Variants in PRH1 observed in about 807,000 individuals in gnomAD.
PRH1 encodes salivary acidic proline-rich phosphoprotein 1/2.
PRH1 carries 7 observed loss-of-function variants against 7.9 expected under a neutral mutation model. The observed-to-expected ratio is 0.89, with a 90% CI of 0.50 to 1.67. The LOEUF (loss-of-function observed/expected upper bound fraction) is 1.67. Among genes scored for constraint, PRH1 ranks in the 40% most tolerant of loss-of-function variants. The pLI, the probability that PRH1 is intolerant of heterozygous loss-of-function variation, is 0.00. For synonymous variants in PRH1, 45 were observed against 80.8 expected (o/e 0.56, Z 2.38); for missense variants, 109 against 223.6 (o/e 0.49, Z 3.27).
intron 1 of PRH1, among the ~76,000 whole-genome samples, chr12:11,093,751 A>G (rs1490285947): frequency 8.7e-6 from 1 of 114,960 alleles, no homozygotes; most frequent in Non-Finnish European, 2.0e-5. Flanking sequence ...ATAAACAAAA[A>G]ATTACTACAG....
At position 10,931,300 on chromosome 12, in the gene PRH1, C is replaced by T. The variant is rs925620409; in HGVS notation, c.-59+42355G>A. 4.1e-6 allele frequency: 4 copies of T among 986,966 alleles called. No individual in the cohort carries two copies. The African/African-American group carries it at 6.6e-5, about 16-fold the overall frequency. 61.1% of individuals were successfully genotyped at this position (986,966 alleles called of 1,614,324 possible). On this transcript the variant is annotated intron_variant, in intron 2 of 3. Coordinates refer to the PRH1 transcript ENST00000539853. Reference sequence around the variant, plus strand: ...TTTGAGAATCACTATCTTCAAATTACCTCTCTTAAATAGGGTTGGGAATGA... The same window carrying T: ...TTTGAGAATCACTATCTTCAAATTATCTCTCTTAAATAGGGTTGGGAATGA...
intron 1 of PRH1, among the ~76,000 whole-genome samples, chr12:11,011,798 T>C (rs1941080886): frequency 6.6e-6 from 1 of 152,136 alleles, no homozygotes; most frequent in Non-Finnish European, 1.5e-5. Flanking sequence ...ACTAATACTT[T>C]TGTATAACTT....
At chr12:10,957,831 T>C (rs140903120) in intron 2 of PRH1, among the ~76,000 whole-genome samples, 73 of 152,124 alleles carry the variant, frequency 4.8e-4, no homozygotes, top group Non-Finnish European at 9.6e-4. Context: ...AACTAATCAT[T>C]AAAGAAATGT....
chr12:11,007,880 C>A (rs1940899237), intron 1 of PRH1, among the ~76,000 whole-genome samples: 1 of 152,056 alleles, frequency 6.6e-6, no homozygotes, highest in South Asian at 2.1e-4. Flanking sequence ...GTGATCCACC[C>A]AAACCCAGCT....
intron 1 of PRH1, among the ~76,000 whole-genome samples, chr12:11,025,209 G>A (rs906732856): frequency 1.3e-5 from 2 of 151,722 alleles, no homozygotes; most frequent in African/African-American, 4.8e-5. Context: ...TAGTAGAGAC[G>A]GGGTTTCACC....
At chr12:10,909,532 C>T (rs1949864532) in intron 2 of PRH1, 4 of 455,742 alleles carry the variant, frequency 8.8e-6, no homozygotes, top group Non-Finnish European at 1.2e-5. Context: ...TGAGCCCTAG[C>T]TAAGATATTT....
At position 11,092,687 on chromosome 12, in the gene PRH1, T is replaced by A. The variant is rs1247828212; in HGVS notation, n.124-45499A>T. Among the ~76,000 whole-genome samples the A allele has an allele frequency of 6.9e-5, 8 of 115,422 alleles. 2 individuals carry two copies. Among genetic ancestry groups the A allele is most frequent in the African/African-American group, 2.3e-4 (8 of 34,356 alleles). 75.7% of individuals were successfully genotyped at this position (115,422 alleles called of 152,430 possible). A position where few individuals can be genotyped will look rare whatever the true frequency, so the allele number is the denominator to read the frequency against. ...GTGCGCTGATTGGTGCATTTTACAA[T>A]CCCCTTGCTAGCTTCAGAAACGTTC... is the stretch of plus-strand genomic sequence containing the variant. On this transcript the variant is annotated intron_variant and non_coding_transcript_variant, in intron 1 of 4. Coordinates refer to the PRH1 transcript ENST00000541977.
chr12:10,974,780 G>A (rs1419649317), intron 1 of PRH1, among the ~76,000 whole-genome samples: 2 of 152,142 alleles, frequency 1.3e-5, no homozygotes, highest in Admixed American at 1.3e-4. Context: ...AGCAGCAATG[G>A]TTCTTGACCA....
intron 1 of PRH1, among the ~76,000 whole-genome samples, chr12:11,019,850 G>A (rs1457275637): frequency 6.6e-6 from 1 of 152,298 alleles, no homozygotes; most frequent in Non-Finnish European, 1.5e-5. Context: ...CAGCTGCTGG[G>A]AAGTTCCCTA....
intron 2 of PRH1, among the ~76,000 whole-genome samples, chr12:10,902,309 GA>G (rs983909516): frequency 8.7e-5 from 13 of 149,924 alleles, no homozygotes; most frequent in African/African-American, 2.4e-4. Context: ...AACTAACCCA[GA>G]AAAAAAAATT....
chr12:11,050,685 T>C (rs1049822681), upstream of PRH1, among the ~76,000 whole-genome samples: 6 of 152,420 alleles, frequency 3.9e-5, no homozygotes, highest in South Asian at 1.2e-3. Context: ...CTAAGTACGC[T>C]ACACTTTGTC....
At chr12:10,953,982 C>T (rs1937822277) in intron 2 of PRH1, among the ~76,000 whole-genome samples, 1 of 152,058 alleles carries the variant, frequency 6.6e-6, no homozygotes, top group African/African-American at 2.4e-5. Context: ...AAAAGAATGT[C>T]CGACCAAGAA....
intron 1 of PRH1, chr12:11,159,728 T>A (rs1338262440): frequency 6.6e-6 from 1 of 152,234 alleles, no homozygotes; most frequent in Non-Finnish European, 1.5e-5. Context: ...TCTACTTCAC[T>A]GACAGCTTTA....
chr12:10,953,022 G>A (rs1937762952), intron 2 of PRH1, among the ~76,000 whole-genome samples: 1 of 151,978 alleles, frequency 6.6e-6, no homozygotes, highest in African/African-American at 2.4e-5. Flanking sequence ...CCCAGACTTA[G>A]AGTTAGAAAT....
At chr12:10,907,416 A>G (rs903729495) in intron 2 of PRH1, among the ~76,000 whole-genome samples, 1 of 152,150 alleles carries the variant, frequency 6.6e-6, no homozygotes, top group Admixed American at 6.5e-5. Flanking sequence ...CTGCTCAGGA[A>G]CAAACTACTG....
Position 11,083,248 on chromosome 12 carries a change from A to C in PRH1, n.124-36060T>G, listed in dbSNP as rs188636496. ...ATAATTAAATTGGAAAGAAGAAAAA[A>C]GGTGTCTAGCAAAATACAGATGCTC... On this transcript the variant is annotated intron_variant and non_coding_transcript_variant, in intron 1 of 4. Transcript: ENST00000541977. 2.4e-3 allele frequency among the ~76,000 whole-genome samples: 308 copies of C among 130,946 alleles called. 41 individuals carry two copies. Among genetic ancestry groups the C allele is most frequent in the African/African-American group, 8.1e-3 (297 of 36,768 alleles). The allele number at this position is 130,946 out of a possible 152,430, so 85.9% of individuals were successfully genotyped here. A position where few individuals can be genotyped will look rare whatever the true frequency, so the allele number is the denominator to read the frequency against.
intron 2 of PRH1, among the ~76,000 whole-genome samples, chr12:10,894,289 T>C (rs1949615168): frequency 6.6e-6 from 1 of 152,148 alleles, no homozygotes; most frequent in African/African-American, 2.4e-5. Context: ...TACAAGTCTG[T>C]TGTAGATGGT....
chr12:11,016,608 G>A (rs541084569), intron 1 of PRH1, among the ~76,000 whole-genome samples: 4 of 152,294 alleles, frequency 2.6e-5, no homozygotes, highest in South Asian at 4.1e-4. Context: ...CCAAAAGTGC[G>A]GGGACTGCGG....
downstream of PRH1, among the ~76,000 whole-genome samples, chr12:11,119,575 T>TA (rs565269339): frequency 2.2e-4 from 34 of 151,856 alleles, no homozygotes; most frequent in South Asian, 5.6e-3. Flanking sequence ...AAAAATACAT[T>TA]AAAAAAAAAG....
Sources: allele counts gnomAD v4.1 joint callset (sites outside exome capture counted in the v4.1 genomes callset), GRCh38; gene constraint gnomAD v4.1.1; transcripts MANE v1.5; gene names NCBI Gene and HGNC (gene_info 2026-07-23, HGNC 2026-07-21).